Variants in TAF1B observed in about 807,000 individuals in gnomAD.
TAF1B encodes the protein TATA-box binding protein associated factor, RNA polymerase I subunit B, also known as TATA box-binding protein-associated factor RNA polymerase I subunit B.
Under a neutral mutation model 83.9 loss-of-function variants are expected in TAF1B, and 61 were observed. The observed-to-expected ratio is 0.73, with a 90% confidence interval of 0.59 to 0.90. The LOEUF is 0.90. Ranked by LOEUF, TAF1B falls within the 40% of genes least tolerant of loss-of-function variation. The pLI is 0.00. For synonymous variants in TAF1B, 221 were observed against 224.6 expected, an observed-to-expected ratio of 0.98 and a Z score of 0.14; for missense variants, 625 against 677.0, an observed-to-expected ratio of 0.92 and a Z score of 0.85.
intron 14 of TAF1B, among the ~76,000 whole-genome samples, chr2:9,923,897 T>C (rs879532675): frequency 1.1e-4 from 17 of 152,210 alleles, no homozygotes; most frequent in Non-Finnish European, 2.2e-4. Context: ...TGGTGTGCCA[T>C]GCCCTGCCTC....
chr2:9,918,979 G>A, intron 12 of TAF1B, 62 bp from the exon 13 acceptor site: 1 of 1,377,280 alleles, frequency 7.3e-7, no homozygotes, highest in East Asian at 2.3e-5. Flanking sequence ...TAGTGCTTCA[G>A]ACAATGTGTT....
chr2:9,883,679 A>G (rs1664578351), intron 8 of TAF1B, among the ~76,000 whole-genome samples: 1 of 152,228 alleles, frequency 6.6e-6, no homozygotes. Flanking sequence ...ATTGACAAAC[A>G]CAGAGCTGGC....
intron 8 of TAF1B, among the ~76,000 whole-genome samples, chr2:9,903,175 T>A (rs1206973571): frequency 6.6e-6 from 1 of 152,174 alleles, no homozygotes; most frequent in Non-Finnish European, 1.5e-5. Context: ...AAGCTCCGCC[T>A]CCTGGGTTCA....
intron 5 of TAF1B, among the ~76,000 whole-genome samples, chr2:9,861,555 C>T (rs1663760739): frequency 6.6e-6 from 1 of 152,246 alleles, no homozygotes; most frequent in South Asian, 2.1e-4. Flanking sequence ...GCAGTAACCT[C>T]TGCAGACTTA....
At chr2:9,879,800 C>T (rs1306858348) in intron 7 of TAF1B, among the ~76,000 whole-genome samples, 1 of 152,152 alleles carries the variant, frequency 6.6e-6, no homozygotes, top group Admixed American at 6.5e-5. Context: ...TAATAAAATG[C>T]ACCCTTTAAA....
At chr2:9,856,827 G>A (rs1224263249) in intron 5 of TAF1B, among the ~76,000 whole-genome samples, 1 of 152,142 alleles carries the variant, frequency 6.6e-6, no homozygotes, top group Non-Finnish European at 1.5e-5. Context: ...AATTAGTAAG[G>A]TAATTTCTAC....
intron 5 of TAF1B, among the ~76,000 whole-genome samples, chr2:9,864,284 G>GAAATTCAAA (rs201425978): frequency 6.7e-6 from 1 of 149,852 alleles, no homozygotes; most frequent in Non-Finnish European, 1.5e-5. Flanking sequence ...CGATCCCACA[G>GAAATTCAAA]CTACCATCAG....
intron 6 of TAF1B, among the ~76,000 whole-genome samples, chr2:9,873,551 G>A (rs12470216): frequency 0.24 from 36,565 of 150,158 alleles, 4,966 homozygotes; most frequent in East Asian, 0.31. Flanking sequence ...CAACATTTCT[G>A]TTGGTGTATT....
intron 8 of TAF1B, among the ~76,000 whole-genome samples, chr2:9,895,204 A>C (rs1429029801): frequency 6.6e-6 from 1 of 152,250 alleles, no homozygotes; most frequent in African/African-American, 2.4e-5. Flanking sequence ...TTGAACACAA[A>C]AAAAATTTTT....
intron 14 of TAF1B, among the ~76,000 whole-genome samples, chr2:9,926,481 A>G (rs1376802808): frequency 6.6e-6 from 1 of 152,180 alleles, no homozygotes; most frequent in Non-Finnish European, 1.5e-5. Context: ...ACAGTGCCAT[A>G]TGATGCCATC....
chr2:9,898,338 A>G (rs1030679765), intron 8 of TAF1B, among the ~76,000 whole-genome samples: 1 of 152,208 alleles, frequency 6.6e-6, no homozygotes, highest in Non-Finnish European at 1.5e-5. Flanking sequence ...GATGGAGATT[A>G]CGCTTTGAGC....
chr2:9,859,910 G>C (rs1451495668), intron 5 of TAF1B, among the ~76,000 whole-genome samples: 1 of 152,158 alleles, frequency 6.6e-6, no homozygotes, highest in African/African-American at 2.4e-5. Flanking sequence ...GATACTACCT[G>C]AGACTGGGTA....
intron 14 of TAF1B, among the ~76,000 whole-genome samples, chr2:9,930,674 A>G (rs1243817208): frequency 6.6e-6 from 1 of 152,154 alleles, no homozygotes; most frequent in African/African-American, 2.4e-5. Flanking sequence ...ATAGATGTCT[A>G]TTAGGTCCAC....
intron 9 of TAF1B, among the ~76,000 whole-genome samples, 197 bp downstream of exon 9, chr2:9,905,203 G>A (rs763853696): frequency 7.9e-5 from 12 of 152,174 alleles, no homozygotes; most frequent in East Asian, 1.9e-4. Context: ...CAGAAATAGA[G>A]TTTTCAGAAA....
intron 14 of TAF1B, among the ~76,000 whole-genome samples, chr2:9,922,701 A>C (rs895191202): frequency 6.6e-6 from 1 of 152,144 alleles, no homozygotes; most frequent in Non-Finnish European, 1.5e-5. Flanking sequence ...GGCCTTGAGA[A>C]TGTAAGGACT....
Position 9,872,402 on chromosome 2 carries a change from C to A in TAF1B, c.554-3463C>A, listed in dbSNP as rs547314559. ...TTTAAGCAGTCATCCTGGTGTTAGG[C>A]CTGCCTTCATCCAGTTTCTAGGGGT... On this transcript the variant is annotated intron_variant, in intron 6 of 14. Coordinates refer to ENST00000263663, the MANE Select transcript of TAF1B (RefSeq NM_005680.3). Among the ~76,000 whole-genome samples the A allele has an allele frequency of 1.2e-4, 18 of 152,056 alleles. 1 individual carries two copies. The South Asian group carries it at 2.1e-3, about 18-fold the overall frequency.
intron 8 of TAF1B, among the ~76,000 whole-genome samples, chr2:9,889,006 G>A (rs147713916): frequency 1.3e-3 from 198 of 151,004 alleles, no homozygotes; most frequent in African/African-American, 4.5e-3. Flanking sequence ...TTCACCATGT[G>A]GGCCAGGCTG....
chr2:9,890,417 G>A (rs1312269295), intron 8 of TAF1B, among the ~76,000 whole-genome samples: 1 of 151,932 alleles, frequency 6.6e-6, no homozygotes, highest in Non-Finnish European at 1.5e-5. Flanking sequence ...TGCTTTTTAG[G>A]TATTACCTGA....
Position 9,904,909 on chromosome 2 carries a change from AT to A in TAF1B, c.863del (p.Leu288Ter), listed in dbSNP as rs745941887. 2 of 1,611,026 alleles carry A rather than the reference AT, an allele frequency of 1.2e-6. No individual in the cohort carries two copies. Among genetic ancestry groups the A allele is most frequent in the Non-Finnish European group, 1.7e-6 (2 of 1,177,230 alleles). On this transcript the variant is annotated frameshift_variant, in exon 9 of 15. Transcript: ENST00000263663. LOFTEE classifies it high-confidence loss of function. The stretch of plus-strand genomic sequence containing the variant: ...ACAAAAAAACAGTAGAAGTTGGAAC[AT>A]TTTTAGATTTGCCTCGTTTTCCAGA... ...IYKKTVEVGT[F>X]LDLPRFPDIT... is the part of the protein sequence containing the mutation.
Sources: gnomAD v4.1 joint callset for allele counts (sites outside exome capture counted in the v4.1 genomes callset) on GRCh38, gnomAD v4.1.1 for gene constraint, MANE v1.5 for transcripts, NCBI Gene and HGNC (gene_info 2026-07-23, HGNC 2026-07-21) for gene names.